Variants in PHTF2 observed in about 807,000 individuals in gnomAD.
The protein encoded by PHTF2 is protein PHTF2.
A neutral mutation model predicts 101.2 loss-of-function variants in PHTF2; 60 were observed. The ratio of observed to expected loss-of-function variants is 0.59; its 90% confidence interval spans 0.48 to 0.73. The LOEUF is 0.73. Among genes scored for constraint, PHTF2 ranks in the 30% least tolerant of loss-of-function variants. The probability of loss-of-function intolerance (pLI) is 0.00; values close to 1 mark genes in which losing one functional copy is unlikely to be tolerated. For synonymous variants in PHTF2, 311 were observed against 307.3 expected (o/e 1.01, Z -0.13); for missense variants, 747 against 908.7 (o/e 0.82, Z 2.29).
chr7:77,933,936 T>G (rs910059286), intron 12 of PHTF2, among the ~76,000 whole-genome samples: 8 of 152,210 alleles, frequency 5.3e-5, no homozygotes, highest in African/African-American at 1.9e-4. Flanking sequence ...TAAAATTTGT[T>G]AATGCTCTAC....
chr7:77,831,109 T>C (rs1168435216), intron 1 of PHTF2, among the ~76,000 whole-genome samples: 3 of 152,252 alleles, frequency 2.0e-5, no homozygotes, highest in Non-Finnish European at 2.9e-5. Flanking sequence ...TCACATTCTC[T>C]AGGCCTGCTT....
chr7:77,894,545 T>C (rs1015790987), intron 5 of PHTF2, among the ~76,000 whole-genome samples: 2 of 152,220 alleles, frequency 1.3e-5, no homozygotes, highest in Non-Finnish European at 2.9e-5. Flanking sequence ...TTGGCAATTA[T>C]AATCTCTAAA....
intron 16 of PHTF2, among the ~76,000 whole-genome samples, chr7:77,946,980 C>G (rs775303260): frequency 2.7e-5 from 4 of 149,436 alleles, no homozygotes; most frequent in Non-Finnish European, 5.9e-5. Context: ...AAAAGCCAGA[C>G]ATGGTGACAC....
At chr7:77,894,985 G>A (rs1351660496) in intron 5 of PHTF2, among the ~76,000 whole-genome samples, 1 of 152,062 alleles carries the variant, frequency 6.6e-6, no homozygotes, top group Non-Finnish European at 1.5e-5. Flanking sequence ...CCTTGCCAAA[G>A]AATTTAGACA....
chr7:77,802,178 A>G (rs77218813), intron 1 of PHTF2, among the ~76,000 whole-genome samples: 3,157 of 152,238 alleles, frequency 0.021, 89 homozygotes, highest in African/African-American at 0.071. Flanking sequence ...AGGGAATGGT[A>G]AGTAATTGTA....
intron 1 of PHTF2, among the ~76,000 whole-genome samples, chr7:77,817,280 C>G (rs765648184): frequency 2.6e-5 from 4 of 152,042 alleles, no homozygotes; most frequent in Non-Finnish European, 4.4e-5. Context: ...GAGATGGTAT[C>G]TCATTATGGT....
At chr7:77,953,591 C>G (rs561323752) in intron 18 of PHTF2, among the ~76,000 whole-genome samples, 178 bp from the exon 18 acceptor site, 1 of 152,232 alleles carries the variant, frequency 6.6e-6, no homozygotes, top group South Asian at 2.1e-4. Context: ...CCTTTAAAAC[C>G]ATTAAAACTA....
chr7:77,854,646 T>G lies in PHTF2; in HGVS notation c.46-87T>G, dbSNP rs188917303. ...GGAGTCAGGAATCTTAGAAATCTAC[T>G]CCATGCTGTATTCTGCTGCAGTTGT... is the stretch of plus-strand genomic sequence containing the variant. On this transcript the variant is annotated intron_variant, in intron 2 of 19. Transcript: ENST00000416283. 3,871 of 669,884 alleles carry G rather than the reference T, an allele frequency of 5.8e-3. 190 individuals are homozygous for G. The Admixed American group carries it at 0.074, about 13-fold the overall frequency. 41.5% of individuals were successfully genotyped at this position (669,884 alleles called of 1,614,324 possible).
chr7:77,934,630 A>C (rs1206197267), intron 12 of PHTF2, among the ~76,000 whole-genome samples: 1 of 152,210 alleles, frequency 6.6e-6, no homozygotes, highest in Non-Finnish European at 1.5e-5. Context: ...GTAAAAAAAA[A>C]TTTTAAGTTC....
chr7:77,845,894 G>A (rs765033219), intron 2 of PHTF2, among the ~76,000 whole-genome samples: 8 of 152,180 alleles, frequency 5.3e-5, no homozygotes, highest in Non-Finnish European at 1.2e-4. Flanking sequence ...ACCGTGCTGA[G>A]TAGTGAAGCT....
chr7:77,902,210 A>T (rs1303526035), intron 7 of PHTF2, among the ~76,000 whole-genome samples: 1 of 152,226 alleles, frequency 6.6e-6, no homozygotes, highest in African/African-American at 2.4e-5. Context: ...ACACATACAT[A>T]CATACCAGTC....
chr7:77,933,945 A>C (rs1453014496), intron 12 of PHTF2, among the ~76,000 whole-genome samples: 2 of 152,008 alleles, frequency 1.3e-5, no homozygotes, highest in African/African-American at 4.8e-5. Flanking sequence ...TTAATGCTCT[A>C]CTCTGTATAT....
chr7:77,927,211 CACACACACACACAA>C (rs201452271), intron 11 of PHTF2, among the ~76,000 whole-genome samples: 8,205 of 141,704 alleles, frequency 0.058, 333 homozygotes, highest in Non-Finnish European at 0.091. Context: ...CACACACACA[CACACACACACACAA>C]ACACACACAT....
In PHTF2 at chr7:77,824,915, G is replaced by C. The variant is rs527589962; in HGVS notation, c.-35-15306G>C. ...CCGAGTGTGGTGGCACACACCTGTA[G>C]TCTTAGCTACTTGGGAGGCTGAGAA... On this transcript the variant is annotated intron_variant, in intron 1 of 19. Transcript: ENST00000416283. 3.3e-5 allele frequency among the ~76,000 whole-genome samples: 5 copies of C among 151,874 alleles called. No homozygotes were observed. The South Asian group carries it at 8.3e-4, about 25-fold the overall frequency.
At chr7:77,835,981 A>G (rs1158200801) in intron 1 of PHTF2, among the ~76,000 whole-genome samples, 4 of 151,844 alleles carry the variant, frequency 2.6e-5, no homozygotes, top group Non-Finnish European at 5.9e-5. Context: ...AGCCGGGTGT[A>G]GTGGCGCATT....
intron 5 of PHTF2, among the ~76,000 whole-genome samples, chr7:77,896,900 T>G (rs1336434694): frequency 6.6e-6 from 1 of 152,160 alleles, no homozygotes; most frequent in Admixed American, 6.5e-5. Context: ...GACATGAAAA[T>G]ATATTTTTTG....
intron 2 of PHTF2, among the ~76,000 whole-genome samples, chr7:77,843,754 A>C (rs977843384): frequency 6.6e-6 from 1 of 152,202 alleles, no homozygotes; most frequent in African/African-American, 2.4e-5. Flanking sequence ...TTTGTGTTGA[A>C]AGCCAAGGAT....
chr7:77,824,899 G>A (rs1478584702), intron 1 of PHTF2, among the ~76,000 whole-genome samples: 2 of 151,964 alleles, frequency 1.3e-5, no homozygotes, highest in Admixed American at 1.3e-4. Context: ...GCCGAGTGTG[G>A]TGGCACACAC....
chr7:77,854,159 C>T (rs1554360598), intron 2 of PHTF2, among the ~76,000 whole-genome samples: 1 of 152,172 alleles, frequency 6.6e-6, no homozygotes, highest in Non-Finnish European at 1.5e-5. Flanking sequence ...ATGTCTGCAT[C>T]AGGGGGCAAC....
Sources: allele counts gnomAD v4.1 joint callset (sites outside exome capture counted in the v4.1 genomes callset), GRCh38; gene constraint gnomAD v4.1.1; transcripts MANE v1.5; gene names NCBI Gene and HGNC (gene_info 2026-07-23, HGNC 2026-07-21).